The following LRFN1 variants were observed in gnomAD, a reference collection of about 807,000 sequenced individuals.
LRFN1 encodes the protein leucine rich repeat and fibronectin type III domain containing 1, also known as leucine-rich repeat and fibronectin type III domain-containing protein 1.
A neutral mutation model predicts 31.8 loss-of-function variants in LRFN1; 20 were observed. The observed-to-expected ratio is 0.63, with a 90% CI of 0.44 to 0.91. The LOEUF (loss-of-function observed/expected upper bound fraction) is 0.91. Ranked by LOEUF, LRFN1 falls within the 40% of genes least tolerant of loss-of-function variation. The probability of loss-of-function intolerance (pLI) is 0.00; values close to 1 mark genes in which losing one functional copy is unlikely to be tolerated. For missense variants in LRFN1, 912 were observed against 1,129.8 expected, an observed-to-expected ratio of 0.81 and a Z score of 2.76; for synonymous variants, 514 against 541.3, an observed-to-expected ratio of 0.95 and a Z score of 0.70.
intron 4 of LRFN1, among the ~76,000 whole-genome samples, chr19:39,309,291 T>C (rs2075142088): frequency 6.6e-6 from 1 of 151,582 alleles, no homozygotes; most frequent in Non-Finnish European, 1.5e-5. Context: ...CTGTCTCTAT[T>C]AAAAATACAA....
rs1390733853 is a variant in LRFN1, at chr19:39,315,907, T to A, written c.-38+175A>T. 2.0e-5 allele frequency among the ~76,000 whole-genome samples: 3 copies of A among 152,144 alleles called. No homozygotes were observed. The highest frequency in any genetic ancestry group is 4.4e-5 in the Non-Finnish European group (3 of 68,016). On this transcript the variant is annotated intron_variant, in intron 3 of 4. Transcript: ENST00000248668. This position sits in a 1 kb window ranked among gnomAD's most constrained non-coding sequence, Gnocchi z 4.7. ...CGTGTCCCACCCTCACCTCTGCCCC[T>A]CCTGTAGTAGCTCCCAAACCTCTCA...
chr19:39,314,811 C>T lies in LRFN1; in HGVS notation c.526G>A (p.Ala176Thr), dbSNP rs1190267142. ...TGGCCCACCGCCTCCCACGGCAGGG[C>T]CTCCAGGTTGTTGTAGGACAGATCC... ...DLDLSYNNLE[A>T]LPWEAVGQMV... is the part of the protein sequence containing the mutation. Residue 176 changes from alanine (A) to threonine (T), a missense_variant, in exon 4 of 5, where the codon GCC (alanine) becomes ACC (threonine). Around this residue, in one of 2 missense-constraint regions of LRFN1, gnomAD observed 401 missense variants for 572.7 expected, o/e 0.70. Transcript: ENST00000248668. 1.2e-6 allele frequency: 2 copies of T among 1,613,084 alleles called. No individual in the cohort carries two copies. Among genetic ancestry groups the T allele is most frequent in the East Asian group, 2.2e-5 (1 of 44,830 alleles).
rs548692555 is a variant in LRFN1 at position 39,307,159 on chromosome 19, G to A, written c.*474C>T. 6 of 397,274 alleles carry A rather than the reference G, an allele frequency of 1.5e-5. No homozygotes were observed. In the South Asian group the frequency reaches 7.1e-4, roughly 47 times the overall value. 24.6% of individuals were successfully genotyped at this position (397,274 alleles called of 1,614,324 possible). A position where few individuals can be genotyped will look rare whatever the true frequency, so the allele number is the denominator to read the frequency against. On this transcript the variant is annotated 3_prime_UTR_variant, in exon 5 of 5. Coordinates refer to ENST00000248668, the MANE Select transcript of LRFN1 (RefSeq NM_020862.2). The surrounding 1 kb of genome is among the most constrained non-coding windows in gnomAD (Gnocchi z 6.7). ...CCCAAGCCAGACCCGACCGGACCAG[G>A]AATGTGCGTGGGGTGGGGTGGGAGG...
chr19:39,309,571 T>C (rs1568568267), intron 4 of LRFN1, among the ~76,000 whole-genome samples: 2 of 148,008 alleles, frequency 1.4e-5, no homozygotes, highest in African/African-American at 2.5e-5. Flanking sequence ...TTCCCTGACA[T>C]TGCTACAGGC....
chr19:39,314,132 G>A lies in LRFN1; in HGVS notation c.1205C>T (p.Pro402Leu). ...LMAPPPAAPPPLTEPGSSDIA... is the reference protein window; with the variant it reads ...LMAPPPAAPPLLTEPGSSDIA... ...GTCAGAGGAGCCGGGCTCGGTGAGA[G>A]GCGGCGGGGCAGCCGGCGGGGGTGC... The change falls in exon 4 of 5, where the codon CCT (proline) becomes CTT (leucine). Residue 402 changes from proline to leucine, a missense_variant. This residue lies in a region of LRFN1 where 511 missense variants were observed against 557.0 expected (regional missense o/e 0.92). Transcript: ENST00000248668. 1.2e-6 allele frequency: 2 copies of A among 1,611,878 alleles called. No homozygotes were observed. Among genetic ancestry groups the A allele is most frequent in the Non-Finnish European group, 1.7e-6 (2 of 1,179,204 alleles).
At position 39,315,593 on chromosome 19, in the gene LRFN1, C is replaced by A. The variant is rs1372696440; in HGVS notation, c.-37-220G>T. ...CAGCACTTTGGGAGGCCGAGGCAGGCGGATCACCTGAGGTCAGGAGTTCAA... is the reference window on the plus strand; with the variant it reads ...CAGCACTTTGGGAGGCCGAGGCAGGAGGATCACCTGAGGTCAGGAGTTCAA... On this transcript the variant is annotated intron_variant, in intron 3 of 4. Coordinates refer to ENST00000248668, the MANE Select transcript of LRFN1 (RefSeq NM_020862.2). The surrounding 1 kb of genome is among the most constrained non-coding windows in gnomAD (Gnocchi z 4.7). Among the ~76,000 whole-genome samples, 1 of 151,952 alleles carries A rather than the reference C, an allele frequency of 6.6e-6. No homozygotes were observed. The highest frequency in any genetic ancestry group is 6.5e-5 in the Admixed American group (1 of 15,270).
Position 39,314,956 on chromosome 19 carries a change from C to T in LRFN1, c.381G>A (p.Glu127=), listed in dbSNP as rs2075165998. 6.3e-7 allele frequency: 1 copy of T among 1,594,666 alleles called. No individual in the cohort carries two copies. The highest frequency in any genetic ancestry group is 2.3e-5 in the East Asian group (1 of 44,308). ...ALHLDSNRLA[E]VRGDQLRGLG... ...GGCCGCGGAGCTGGTCGCCGCGCAC[C>T]TCCGCCAGGCGGTTGCTGTCCAGGT... is the stretch of plus-strand genomic sequence containing the variant. Residue 127 remains glutamate (E), a synonymous_variant, in exon 4 of 5, where the codon GAG becomes GAA. Coordinates refer to ENST00000248668, the MANE Select transcript of LRFN1 (RefSeq NM_020862.2).
At chr19:39,312,324 G>A (rs909944856) in intron 4 of LRFN1, among the ~76,000 whole-genome samples, 19 of 152,156 alleles carry the variant, frequency 1.2e-4, no homozygotes, top group African/African-American at 4.6e-4. Context: ...TCCACAGGTA[G>A]GGAAACAGCT....
chr19:39,315,462 C>T lies in LRFN1; in HGVS notation c.-37-89G>A, dbSNP rs1180103858. 3 of 853,408 alleles carry T rather than the reference C, an allele frequency of 3.5e-6. No individual in the cohort carries two copies. Among genetic ancestry groups the T allele is most frequent in the Non-Finnish European group, 3.5e-6 (2 of 578,718 alleles). 52.9% of individuals were successfully genotyped at this position (853,408 alleles called of 1,614,324 possible). On this transcript the variant is annotated intron_variant, in intron 3 of 4. Transcript: ENST00000248668. This position sits in a 1 kb window ranked among gnomAD's most constrained non-coding sequence, Gnocchi z 4.7. ...AGTCAGGCCTGGATCCCTCCCCTAC[C>T]GCCTACAGCTGGGTTCCATAGGATG...
At chr19:39,318,175 G>A (rs78879261) in intron 2 of LRFN1, among the ~76,000 whole-genome samples, 151 bp downstream of exon 2, 214 of 152,194 alleles carry the variant, frequency 1.4e-3, no homozygotes, top group African/African-American at 5.0e-3. Context: ...CCCAGCCTTG[G>A]ACAGAGTGGT....
In LRFN1 at chr19:39,315,066, G is replaced by A. The variant is rs1477500209; in HGVS notation, c.271C>T (p.Leu91=). The change falls in exon 4 of 5, where the codon CTG becomes TTG. Residue 91 remains leucine, a synonymous_variant. Transcript: ENST00000248668. The surrounding 1 kb of genome is among the most constrained non-coding windows in gnomAD (Gnocchi z 4.7). ...RRRDFANMTS[L]VHLTLSRNTI... ...TTCCGGGAGAGAGTGAGGTGCACCAGGCTGGTCATGTTGGCGAAGTCTCGG... is the reference window on the plus strand; with the variant it reads ...TTCCGGGAGAGAGTGAGGTGCACCAAGCTGGTCATGTTGGCGAAGTCTCGG... 1.3e-6 allele frequency: 2 copies of A among 1,596,072 alleles called. No individual in the cohort carries two copies. The highest frequency in any genetic ancestry group is 2.7e-5 in the African/African-American group (2 of 74,840).
At chr19:39,310,458 T>G (rs2075146769) in intron 4 of LRFN1, among the ~76,000 whole-genome samples, 1 of 152,138 alleles carries the variant, frequency 6.6e-6, no homozygotes, top group Non-Finnish European at 1.5e-5. Context: ...TCCAGCCCAT[T>G]GCATTCCTCC....
In LRFN1 at chr19:39,309,285, C is replaced by G. The variant is rs1600481726; in HGVS notation, c.1407-743G>C. On this transcript the variant is annotated intron_variant, in intron 4 of 4. Transcript: ENST00000248668. ...GGCCTGGCCAACATGGTAACCCTGT[C>G]TCTATTAAAAATACAAAAATTAGCC... Among the ~76,000 whole-genome samples the G allele has an allele frequency of 2.6e-5, 4 of 152,036 alleles. No homozygotes were observed. The South Asian group carries it at 8.3e-4, about 32-fold the overall frequency.
chr19:39,307,921 G>T lies in LRFN1; in HGVS notation c.2028C>A (p.Ala676=). Reference sequence around the variant, plus strand: ...GGGGCGCCGAGGTTGGTGGCTCCAGGGCGCCGGATCGGCTCCTTCGAGGGC... The same window carrying T: ...GGGGCGCCGAGGTTGGTGGCTCCAGTGCGCCGGATCGGCTCCTTCGAGGGC... ...AVGPRRSRSG[A]LEPPTSAPPT... The change falls in exon 5 of 5, where the codon GCC becomes GCA. Residue 676 remains alanine (A), a synonymous_variant. Coordinates refer to ENST00000248668, the MANE Select transcript of LRFN1 (RefSeq NM_020862.2). The surrounding 1 kb of genome is among the most constrained non-coding windows in gnomAD (Gnocchi z 6.7). 6.4e-7 allele frequency: 1 copy of T among 1,567,668 alleles called. No individual in the cohort carries two copies.
Position 39,315,147 on chromosome 19 carries a change from C to G in LRFN1, c.190G>C (p.Asp64His), listed in dbSNP as rs2075167246. 6.3e-7 allele frequency: 1 copy of G among 1,590,584 alleles called. No homozygotes were observed. Among genetic ancestry groups the G allele is most frequent in the African/African-American group, 1.3e-5 (1 of 74,796 alleles). The change falls in exon 4 of 5, where the codon GAC (aspartate) becomes CAC (histidine). Residue 64 changes from aspartate to histidine, a missense_variant. Physicochemically the swap from Asp to His is moderately conservative, Grantham distance 81. Coordinates refer to ENST00000248668, the MANE Select transcript of LRFN1 (RefSeq NM_020862.2). The surrounding 1 kb of genome is among the most constrained non-coding windows in gnomAD (Gnocchi z 4.7). ...TGLLFVPPAI[D>H]RRVVELRLTD... Reference sequence around the variant, plus strand: ...AGCCGCAGCTCCACCACGCGCCGGTCGATGGCGGGCGGCACAAAGAGCAAG... The same window carrying G: ...AGCCGCAGCTCCACCACGCGCCGGTGGATGGCGGGCGGCACAAAGAGCAAG...
rs1203760522 is a variant in LRFN1, at chr19:39,307,860, G to A, written c.2089C>T (p.Arg697Trp). Residue 697 changes from arginine (R) to tryptophan (W), a missense_variant, in exon 5 of 5, where the codon CGG becomes TGG. Arg to Trp is a moderately radical substitution (Grantham distance 101). This residue lies in a region of LRFN1 where 511 missense variants were observed against 557.0 expected (regional missense o/e 0.92). Coordinates refer to ENST00000248668, the MANE Select transcript of LRFN1 (RefSeq NM_020862.2). This position sits in a 1 kb window ranked among gnomAD's most constrained non-coding sequence, Gnocchi z 6.7. ...GAATAGCGCTGCTGCGGCCTCGGCC[G>A]GGCCGCGGCTCCCCCAGGAACTAGA... ...LALVPGGAAARPRPQQRYSFD... is the reference protein window; with the variant it reads ...LALVPGGAAAWPRPQQRYSFD... 37 of 1,521,026 alleles carry A rather than the reference G, an allele frequency of 2.4e-5. No individual in the cohort carries two copies. Among genetic ancestry groups the A allele is most frequent in the Non-Finnish European group, 2.9e-5 (33 of 1,140,936 alleles). The allele number at this position is 1,521,026 out of a possible 1,614,324, so 94.2% of individuals were successfully genotyped here.
rs760009961 is a variant in LRFN1 at position 39,314,952 on chromosome 19, G to C, written c.385C>G (p.Arg129Gly). Residue 129 changes from arginine to glycine, a missense_variant, in exon 4 of 5, where the codon CGC becomes GGC. Around this residue, in one of 2 missense-constraint regions of LRFN1, gnomAD observed 401 missense variants for 572.7 expected, o/e 0.70. Transcript: ENST00000248668. ...CCCAGGCCGCGGAGCTGGTCGCCGC[G>C]CACCTCCGCCAGGCGGTTGCTGTCC... The part of the protein sequence containing the change: ...HLDSNRLAEV[R>G]GDQLRGLGNL... 1 of 1,596,726 alleles carries C rather than the reference G, an allele frequency of 6.3e-7. No homozygotes were observed. Among genetic ancestry groups the C allele is most frequent in the African/African-American group, 1.3e-5 (1 of 74,874 alleles).
Position 39,315,401 on chromosome 19 carries a change from G to T in LRFN1, c.-37-28C>A. On this transcript the variant is annotated intron_variant, in intron 3 of 4. Transcript: ENST00000248668. The surrounding 1 kb of genome is among the most constrained non-coding windows in gnomAD (Gnocchi z 4.7). ...GCCGGGGAAGGAGCCGGTTACCCAGGCGTGGGACTTGGCCGCCATGGGATG... is the reference window on the plus strand; with the variant it reads ...GCCGGGGAAGGAGCCGGTTACCCAGTCGTGGGACTTGGCCGCCATGGGATG... 3 of 1,387,784 alleles carry T rather than the reference G, an allele frequency of 2.2e-6. No individual in the cohort carries two copies. Among genetic ancestry groups the T allele is most frequent in the Non-Finnish European group, 2.8e-6 (3 of 1,057,346 alleles). 86.0% of individuals were successfully genotyped at this position (1,387,784 alleles called of 1,614,324 possible).
intron 4 of LRFN1, among the ~76,000 whole-genome samples, chr19:39,309,625 A>C (rs2075144148): frequency 6.6e-6 from 1 of 151,974 alleles, no homozygotes; most frequent in Non-Finnish European, 1.5e-5. Flanking sequence ...CACACCCCAC[A>C]ATGGCCCACT....
Sources: allele counts gnomAD v4.1 joint callset (sites outside exome capture counted in the v4.1 genomes callset), GRCh38; gene constraint gnomAD v4.1.1; regional missense constraint gnomAD v4.1.1; non-coding constraint Gnocchi (gnomAD v3.1); transcripts MANE v1.5; gene names NCBI Gene and HGNC (gene_info 2026-07-23, HGNC 2026-07-21).